NEGR1: variants seen among roughly 807,000 people sequenced by gnomAD.
NEGR1 encodes the protein IgLON family member 4.
Under a neutral mutation model 40.9 loss-of-function variants are expected in NEGR1, and 10 were observed. That is an observed-to-expected ratio of 0.24 (90% CI 0.15 to 0.42). The LOEUF is 0.42. NEGR1 is among the 10% of genes least tolerant of loss of function. The pLI is 1.00. For missense variants in NEGR1, 352 were observed against 438.9 expected (o/e 0.80, Z 1.77); for synonymous variants, 185 against 166.8 (o/e 1.11, Z -0.84).
At chr1:72,117,068 A>G (rs1477016734) in intron 1 of NEGR1, among the ~76,000 whole-genome samples, 1 of 151,744 alleles carries the variant, frequency 6.6e-6, no homozygotes, top group East Asian at 1.9e-4. Flanking sequence ...ATGGCACTGC[A>G]AGCCATTTTA....
At chr1:72,210,810 AC>A (rs1301355567) in intron 1 of NEGR1, among the ~76,000 whole-genome samples, 3 of 151,902 alleles carry the variant, frequency 2.0e-5, no homozygotes, top group African/African-American at 7.2e-5. Context: ...TGCAATATAA[AC>A]CAACGTATTT....
intron 1 of NEGR1, among the ~76,000 whole-genome samples, chr1:72,057,349 C>T (rs2100487398): frequency 6.6e-6 from 1 of 151,516 alleles, no homozygotes; most frequent in African/African-American, 2.4e-5. Context: ...CTTAGATTGG[C>T]ATGTATAATA....
chr1:71,756,876 G>A (rs1221596330), intron 3 of NEGR1, among the ~76,000 whole-genome samples: 17 of 151,390 alleles, frequency 1.1e-4, no homozygotes, highest in Admixed American at 9.2e-4. Context: ...AACAGGAAAG[G>A]TGAAAAAAAC....
chr1:72,020,376 C>A (rs1022795067), intron 1 of NEGR1, among the ~76,000 whole-genome samples: 1 of 152,040 alleles, frequency 6.6e-6, no homozygotes, highest in Non-Finnish European at 1.5e-5. Context: ...TCTTCCATAA[C>A]GTCAGGATTC....
intron 2 of NEGR1, among the ~76,000 whole-genome samples, chr1:71,807,278 A>G (rs1188194235): frequency 1.3e-5 from 2 of 152,204 alleles, no homozygotes; most frequent in African/African-American, 4.8e-5. Context: ...TCTGTGCAAT[A>G]AAGCACTGAA....
At chr1:71,989,510 G>A (rs1171779969) in intron 1 of NEGR1, among the ~76,000 whole-genome samples, 1 of 151,922 alleles carries the variant, frequency 6.6e-6, no homozygotes, top group Non-Finnish European at 1.5e-5. Context: ...ATGAGTAATG[G>A]CATTTTATGG....
intron 1 of NEGR1, among the ~76,000 whole-genome samples, chr1:72,156,362 C>A (rs910387789): frequency 2.0e-5 from 3 of 151,894 alleles, no homozygotes; most frequent in Admixed American, 2.0e-4. Flanking sequence ...CACAAGGTTT[C>A]AAAAAAATGT....
chr1:71,862,800 C>T (rs376213517), intron 2 of NEGR1, among the ~76,000 whole-genome samples: 8 of 151,920 alleles, frequency 5.3e-5, no homozygotes, highest in East Asian at 3.9e-4. Flanking sequence ...CATGAACAGA[C>T]GATTCTCAAA....
intron 1 of NEGR1, among the ~76,000 whole-genome samples, chr1:72,067,958 A>G (rs1647317745): frequency 6.6e-6 from 1 of 152,168 alleles, no homozygotes; most frequent in Non-Finnish European, 1.5e-5. Context: ...CAGTTGTGAA[A>G]TGTATATTGC....
At chr1:72,069,631 C>G in intron 1 of NEGR1, among the ~76,000 whole-genome samples, 1 of 152,052 alleles carries the variant, frequency 6.6e-6, no homozygotes, top group East Asian at 1.9e-4. Flanking sequence ...TTTTATCTCT[C>G]TATTCAGTAT....
At chr1:71,579,504 T>C (rs1235669676) in intron 6 of NEGR1, among the ~76,000 whole-genome samples, 2 of 152,202 alleles carry the variant, frequency 1.3e-5, no homozygotes, top group Non-Finnish European at 2.9e-5. Flanking sequence ...TCTACAAATG[T>C]GTTTTCTTCC....
chr1:71,901,665 A>C (rs1237729430), intron 2 of NEGR1, among the ~76,000 whole-genome samples: 1 of 141,324 alleles, frequency 7.1e-6, no homozygotes, highest in African/African-American at 2.7e-5. Context: ...ATGAGATATA[A>C]ATTTTTTTTT....
intron 4 of NEGR1, among the ~76,000 whole-genome samples, chr1:71,675,330 T>C (rs1331935218): frequency 2.0e-5 from 3 of 150,754 alleles, no homozygotes; most frequent in African/African-American, 7.3e-5. Context: ...ATCCATGGCA[T>C]TCTGAGTCAC....
intron 2 of NEGR1, among the ~76,000 whole-genome samples, chr1:71,836,017 G>T (rs1659014974): frequency 6.6e-6 from 1 of 151,976 alleles, no homozygotes; most frequent in South Asian, 2.1e-4. Context: ...CTGGTGATTA[G>T]CAGATAACAA....
intron 6 of NEGR1, among the ~76,000 whole-genome samples, chr1:71,473,360 A>C (rs1646796141): frequency 6.6e-6 from 1 of 152,264 alleles, no homozygotes; most frequent in South Asian, 2.1e-4. Flanking sequence ...TCTCATTAGC[A>C]ACTAGTGGAT....
intron 3 of NEGR1, among the ~76,000 whole-genome samples, chr1:71,745,870 C>A (rs1171444444): frequency 6.6e-6 from 1 of 152,160 alleles, no homozygotes; most frequent in Non-Finnish European, 1.5e-5. Flanking sequence ...AATCTTGCAT[C>A]CTGCCTTTCT....
At chr1:71,981,172 G>C (rs1446337679) in intron 1 of NEGR1, among the ~76,000 whole-genome samples, 1 of 152,148 alleles carries the variant, frequency 6.6e-6, no homozygotes, top group Non-Finnish European at 1.5e-5. Flanking sequence ...TACATGGAAA[G>C]CTATAATTCT....
chr1:71,477,463 C>T (rs1414749221), intron 6 of NEGR1: 1 of 152,152 alleles, frequency 6.6e-6, no homozygotes, highest in African/African-American at 2.4e-5. Context: ...GGCAAGTTAA[C>T]ATTTCTTGAC....
intron 3 of NEGR1, among the ~76,000 whole-genome samples, chr1:71,756,121 A>G (rs1655723877): frequency 6.6e-6 from 1 of 152,156 alleles, no homozygotes; most frequent in Admixed American, 6.6e-5. Flanking sequence ...TCCAGGCAGC[A>G]GAATCTAGTG....
Sources: allele counts gnomAD v4.1 joint callset (sites outside exome capture counted in the v4.1 genomes callset), GRCh38; gene constraint gnomAD v4.1.1; transcripts MANE v1.5; gene names NCBI Gene and HGNC (gene_info 2026-07-23, HGNC 2026-07-21).